The following CCDC187 variants were observed in gnomAD, a reference collection of about 807,000 sequenced individuals.
CCDC187 encodes the protein coiled-coil domain containing 187, also known as coiled-coil domain-containing protein 187.
Under a neutral mutation model 38.0 loss-of-function variants are expected in CCDC187, and 32 were observed. The observed-to-expected ratio is 0.84, with a 90% confidence interval of 0.64 to 1.13. The LOEUF is 1.13. CCDC187 is among the 50% of genes most tolerant of loss of function. The pLI, the probability that CCDC187 is intolerant of heterozygous loss-of-function variation, is 0.00. For synonymous variants in CCDC187, 333 were observed against 347.9 expected, an observed-to-expected ratio of 0.96 and a Z score of 0.48; for missense variants, 707 against 786.8, an observed-to-expected ratio of 0.90 and a Z score of 1.21.
At chr9:136,261,246 C>T (rs1198224069) in intron 19 of CCDC187, among the ~76,000 whole-genome samples, 19 of 152,282 alleles carry the variant, frequency 1.2e-4, no homozygotes, top group African/African-American at 4.6e-4. Flanking sequence ...AGGAGGGAAG[C>T]GCACCTGCTC....
At chr9:136,281,443 C>CT (rs1255159763) in intron 10 of CCDC187, 108 bp downstream of exon 10, 1 of 398,450 alleles carries the variant, frequency 2.5e-6, no homozygotes, top group Non-Finnish European at 4.4e-6. Context: ...AAGGATTTCT[C>CT]TACCCCGTAG....
intron 12 of CCDC187, among the ~76,000 whole-genome samples, chr9:136,275,451 C>G (rs951580055): frequency 6.6e-6 from 1 of 150,468 alleles, no homozygotes; most frequent in African/African-American, 2.4e-5. Flanking sequence ...CCCACACACA[C>G]ACACGTGCAC....
At chr9:136,287,032 A>G (rs910680305) in intron 7 of CCDC187, among the ~76,000 whole-genome samples, 2 of 152,208 alleles carry the variant, frequency 1.3e-5, no homozygotes, top group Admixed American at 6.5e-5. Flanking sequence ...CACCCAGAAG[A>G]GCTGAAGTCA....
At chr9:136,271,254 G>T (rs1830835168) in intron 14 of CCDC187, among the ~76,000 whole-genome samples, 2 of 152,222 alleles carry the variant, frequency 1.3e-5, no homozygotes, top group African/African-American at 4.8e-5. Context: ...GGGCGTGGTG[G>T]CTCCTGCCTA....
intron 9 of CCDC187, among the ~76,000 whole-genome samples, chr9:136,283,497 C>T (rs2131262198): frequency 6.6e-6 from 1 of 152,382 alleles, no homozygotes; most frequent in Non-Finnish European, 1.5e-5. Flanking sequence ...CTGAGCCTCT[C>T]CCTAATCCCT....
In CCDC187 at chr9:136,258,805, C is replaced by A; in HGVS notation, c.4366+127G>T. ...GTCTGAGGCCAGGGTGGGGGGCCAC[C>A]AGGGCCCATCTTCTTTGCTTTCCGT... On this transcript the variant is annotated intron_variant, in intron 22 of 25. Coordinates refer to ENST00000638797, the MANE Select transcript of CCDC187 (RefSeq NM_001378188.1). This position sits in a 1 kb window ranked among gnomAD's most constrained non-coding sequence, Gnocchi z 4.3. 6.1e-6 allele frequency: 6 copies of A among 985,494 alleles called. No homozygotes were observed. Among genetic ancestry groups the A allele is most frequent in the Non-Finnish European group, 7.2e-6 (6 of 829,972 alleles). The allele number at this position is 985,494 out of a possible 1,614,324, so 61.0% of individuals were successfully genotyped here.
intron 7 of CCDC187, among the ~76,000 whole-genome samples, chr9:136,289,010 G>T (rs1368399080): frequency 6.6e-6 from 1 of 152,248 alleles, no homozygotes; most frequent in African/African-American, 2.4e-5. Flanking sequence ...GCGGCAGGTG[G>T]AGCCCGGGCA....
At position 136,254,264 on chromosome 9, in the gene CCDC187, C is replaced by A. The variant is rs1363322976; in HGVS notation, c.5564G>T (p.Gly1855Val). The A allele has an allele frequency of 1.0e-6, 1 of 984,528 alleles. No individual in the cohort carries two copies. The highest frequency in any genetic ancestry group is 1.2e-6 in the Non-Finnish European group (1 of 829,288). The allele number at this position is 984,528 out of a possible 1,614,324, so 61.0% of individuals were successfully genotyped here. ...GAGGGCTTCTCCTGTGTCTGACACC[C>A]CCATCAGGCTCTCGCTGGTCCCAGA... ...EASGTSESLM[G>V]VSDTGEALQA... Residue 1855 changes from glycine to valine, a missense_variant, in exon 26 of 26, where the codon GGG (glycine) becomes GTG (valine). Coordinates refer to ENST00000638797, the MANE Select transcript of CCDC187 (RefSeq NM_001378188.1).
upstream of CCDC187, among the ~76,000 whole-genome samples, chr9:136,306,358 C>T (rs1048064592): frequency 6.6e-6 from 1 of 152,196 alleles, no homozygotes; most frequent in Non-Finnish European, 1.5e-5. Context: ...CTCAGTGAGG[C>T]ACATGCAGTT....
intron 14 of CCDC187, among the ~76,000 whole-genome samples, chr9:136,268,718 G>T (rs1393770149): frequency 6.6e-6 from 1 of 152,184 alleles, no homozygotes; most frequent in Non-Finnish European, 1.5e-5. Context: ...TTTATATAGA[G>T]ATATGTGTGT....
intron 10 of CCDC187, among the ~76,000 whole-genome samples, chr9:136,279,924 T>TTCTCGCCCTCTCCCCC (rs1554763444): frequency 0.13 from 19,945 of 152,202 alleles, 1,491 homozygotes; most frequent in Admixed American, 0.2. Flanking sequence ...TCCTCTCTCC[T>TTCTCGCCCTCTCCCCC]TCTCGCCCTC....
rs1383078814 is a variant in CCDC187, at chr9:136,285,545, G to C, written c.2895C>G (p.Ala965=). ...KPDKRLQRGV[A]PFQALSPSAG... is the part of the protein sequence containing the mutation. ...CAGAGGGGCTGAGGGCCTGGAAGGG[G>C]GCCACGCCTCTCTGCAGCCTTTTGT... Residue 965 remains alanine (A), a synonymous_variant, in exon 9 of 26, where the codon GCC becomes GCG. Coordinates refer to ENST00000638797, the MANE Select transcript of CCDC187 (RefSeq NM_001378188.1). 5.0e-6 allele frequency: 2 copies of C among 403,402 alleles called. No homozygotes were observed. Among genetic ancestry groups the C allele is most frequent in the Admixed American group, 4.4e-5 (1 of 22,794 alleles). 25.0% of individuals were successfully genotyped at this position (403,402 alleles called of 1,614,324 possible).
intron 19 of CCDC187, among the ~76,000 whole-genome samples, chr9:136,261,730 G>C (rs754184214): frequency 6.6e-6 from 1 of 152,202 alleles, no homozygotes; most frequent in African/African-American, 2.4e-5. Flanking sequence ...CGCTCCCCCA[G>C]GCAGACAGGG....
chr9:136,296,733 G>C (rs1831545071), intron 4 of CCDC187, among the ~76,000 whole-genome samples: 1 of 152,226 alleles, frequency 6.6e-6, no homozygotes, highest in Admixed American at 6.5e-5. Flanking sequence ...CCATGCCCAG[G>C]CTGGGCCGCT....
At position 136,290,589 on chromosome 9, in the gene CCDC187, A is replaced by G; in HGVS notation, c.2024T>C (p.Val675Ala). The change falls in exon 6 of 26, where the codon GTC becomes GCC. Residue 675 changes from valine (V) to alanine (A), a missense_variant. By Grantham distance (64) the Val-to-Ala change is moderately conservative. Coordinates refer to ENST00000638797, the MANE Select transcript of CCDC187 (RefSeq NM_001378188.1). The part of the protein sequence containing the change: ...RELRSRRLQE[V>A]YRQQREAVLG... The stretch of plus-strand genomic sequence containing the variant: ...GACGGCCTCCCTCTGCTGCCGGTAG[A>G]CCTCCTGCAGCCTCCGGCTCCTCAG... 1 of 398,554 alleles carries G rather than the reference A, an allele frequency of 2.5e-6. No homozygotes were observed. The highest frequency in any genetic ancestry group is 3.6e-5 in the East Asian group (1 of 28,056). The allele number at this position is 398,554 out of a possible 1,614,324, so 24.7% of individuals were successfully genotyped here.
At chr9:136,293,642 T>A (rs1831439538) in intron 4 of CCDC187, among the ~76,000 whole-genome samples, 1 of 151,530 alleles carries the variant, frequency 6.6e-6, no homozygotes, top group Non-Finnish European at 1.5e-5. Context: ...ACTCGCATGC[T>A]CACACTCATG....
chr9:136,288,088 G>C (rs1408736257), intron 7 of CCDC187, among the ~76,000 whole-genome samples: 1 of 152,174 alleles, frequency 6.6e-6, no homozygotes, highest in Non-Finnish European at 1.5e-5. Context: ...CCAGCTACTC[G>C]GGAGGCTGTC....
chr9:136,270,781 G>A (rs1830827666), intron 14 of CCDC187, among the ~76,000 whole-genome samples: 1 of 152,184 alleles, frequency 6.6e-6, no homozygotes, highest in Non-Finnish European at 1.5e-5. Flanking sequence ...TGACCAAGGA[G>A]CCCTCAAGCG....
At chr9:136,304,285 T>C (rs1047439132), upstream of CCDC187, among the ~76,000 whole-genome samples, 1 of 151,862 alleles carries the variant, frequency 6.6e-6, no homozygotes, top group African/African-American at 2.4e-5. Flanking sequence ...GTGGGGTCAG[T>C]GTTGGGCAAG....
Sources: allele counts gnomAD v4.1 joint callset (sites outside exome capture counted in the v4.1 genomes callset), GRCh38; gene constraint gnomAD v4.1.1; non-coding constraint Gnocchi (gnomAD v3.1); transcripts MANE v1.5; gene names NCBI Gene and HGNC (gene_info 2026-07-23, HGNC 2026-07-21).